SLC35F1: variants seen among roughly 807,000 people sequenced by gnomAD.
SLC35F1 encodes the protein chromosome 6 open reading frame 169.
A neutral mutation model predicts 48.7 loss-of-function variants in SLC35F1; 14 were observed. That is an observed-to-expected ratio of 0.29 (90% CI 0.19 to 0.45). The LOEUF (loss-of-function observed/expected upper bound fraction) is 0.45. SLC35F1 is among the 20% of genes least tolerant of loss of function. SLC35F1 has a pLI of 1.00. For synonymous variants in SLC35F1, 190 were observed against 202.2 expected (o/e 0.94, Z 0.51); for missense variants, 404 against 500.0 (o/e 0.81, Z 1.83).
chr6:118,179,467 C>T (rs941906417), intron 2 of SLC35F1, among the ~76,000 whole-genome samples: 16 of 152,222 alleles, frequency 1.1e-4, no homozygotes, highest in Non-Finnish European at 1.8e-4. Context: ...TGTCTGGGCT[C>T]TCAGCAGATT....
chr6:118,273,064 T>C (rs887806126), intron 4 of SLC35F1, among the ~76,000 whole-genome samples: 2 of 149,806 alleles, frequency 1.3e-5, no homozygotes, highest in South Asian at 2.1e-4. Context: ...CAAATTATAA[T>C]AAATAATATT....
chr6:118,128,785 C>T (rs1773667296), intron 1 of SLC35F1, among the ~76,000 whole-genome samples: 1 of 151,158 alleles, frequency 6.6e-6, no homozygotes. Flanking sequence ...ACATTGTGCA[C>T]ATGTACCCAA....
At chr6:117,988,811 C>G (rs555482905) in intron 1 of SLC35F1, among the ~76,000 whole-genome samples, 1 of 152,210 alleles carries the variant, frequency 6.6e-6, no homozygotes, top group Admixed American at 6.5e-5. Context: ...TTATTGGGTA[C>G]AGAGTTTCTG....
chr6:118,296,837 C>T (rs994486740), intron 7 of SLC35F1, among the ~76,000 whole-genome samples: 2 of 152,210 alleles, frequency 1.3e-5, no homozygotes, highest in African/African-American at 2.4e-5. Flanking sequence ...AACAGCCTGG[C>T]CGTTCAGTCG....
At chr6:118,046,882 T>C (rs1001328612) in intron 1 of SLC35F1, among the ~76,000 whole-genome samples, 2 of 152,132 alleles carry the variant, frequency 1.3e-5, no homozygotes, top group African/African-American at 4.8e-5. Flanking sequence ...GCCTGTTTTC[T>C]GACTAAAATT....
chr6:118,261,580 T>C (rs1386695217), intron 3 of SLC35F1, among the ~76,000 whole-genome samples: 1 of 152,132 alleles, frequency 6.6e-6, no homozygotes, highest in African/African-American at 2.4e-5. Context: ...TGGGCTTTGG[T>C]AAACGCTCAA....
intron 2 of SLC35F1, among the ~76,000 whole-genome samples, chr6:118,168,876 G>A (rs1774358457): frequency 6.6e-6 from 1 of 152,196 alleles, no homozygotes; most frequent in Non-Finnish European, 1.5e-5. Flanking sequence ...AAACACGGTG[G>A]AAGATATCAG....
chr6:117,945,855 C>T (rs1386722333), intron 1 of SLC35F1, among the ~76,000 whole-genome samples: 1 of 152,048 alleles, frequency 6.6e-6, no homozygotes, highest in Non-Finnish European at 1.5e-5. Context: ...TTATGGTCCC[C>T]CAGAGTGAAC....
intron 1 of SLC35F1, among the ~76,000 whole-genome samples, chr6:118,135,833 T>A (rs540398852): frequency 6.6e-6 from 1 of 152,196 alleles, no homozygotes; most frequent in Non-Finnish European, 1.5e-5. Flanking sequence ...AGAGAGAGAA[T>A]AGCACCAGGT....
At chr6:118,027,607 C>T (rs1438914620) in intron 1 of SLC35F1, among the ~76,000 whole-genome samples, 1 of 152,014 alleles carries the variant, frequency 6.6e-6, no homozygotes, top group Non-Finnish European at 1.5e-5. Flanking sequence ...ACTGTCAAAT[C>T]TCCCCTCACC....
chr6:118,112,086 CTTTTCTTTTCTTTTCT>C lies in SLC35F1; in HGVS notation c.174-42355_174-42340del, dbSNP rs1425453936. Among the ~76,000 whole-genome samples the C allele has an allele frequency of 9.0e-3, 133 of 14,830 alleles. 1 individual carries two copies. The highest frequency in any genetic ancestry group is 0.019 in the Admixed American group (21 of 1,106). 9.7% of individuals were successfully genotyped at this position (14,830 alleles called of 152,430 possible). A position where few individuals can be genotyped will look rare whatever the true frequency, so the allele number is the denominator to read the frequency against. ...TTTCTTTCTTTTTCTTTATTTCTTT[CTTTTCTTTTCTTTTCT>C]TTTCTTTTCTTTTCTTTTCTTTTCT... On this transcript the variant is annotated intron_variant, in intron 1 of 7. Coordinates refer to ENST00000360388, the MANE Select transcript of SLC35F1 (RefSeq NM_001029858.4).
At chr6:118,003,724 T>A (rs912430172) in intron 1 of SLC35F1, among the ~76,000 whole-genome samples, 1 of 152,260 alleles carries the variant, frequency 6.6e-6, no homozygotes, top group African/African-American at 2.4e-5. Context: ...ATTTCATACC[T>A]AATTTTATAT....
intron 4 of SLC35F1, among the ~76,000 whole-genome samples, chr6:118,270,729 G>A (rs1775841083): frequency 6.6e-6 from 1 of 152,108 alleles, no homozygotes; most frequent in South Asian, 2.1e-4. Context: ...TGATGTGCAG[G>A]GCAATAGGCA....
chr6:118,277,545 A>G lies in SLC35F1; in HGVS notation c.846A>G (p.Ile282Met). 6.2e-7 allele frequency: 1 copy of G among 1,613,786 alleles called. No homozygotes were observed. Among genetic ancestry groups the G allele is most frequent in the African/African-American group, 1.3e-5 (1 of 75,060 alleles). Residue 282 changes from isoleucine (I) to methionine (M), a missense_variant and splice_region_variant, in exon 6 of 8, where the codon ATA (isoleucine) becomes ATG (methionine). Transcript: ENST00000360388. ...ELLKVPWDWQ[I>M]GLLYVGFSAC... ...TGAAGGTGCCCTGGGACTGGCAAAT[A>G]GGTAAGGAGTTGGCTCACATACGAT...
intron 1 of SLC35F1, among the ~76,000 whole-genome samples, chr6:118,031,281 A>G (rs756489676): frequency 1.3e-5 from 2 of 152,214 alleles, no homozygotes; most frequent in East Asian, 1.9e-4. Context: ...GTCTTAAACG[A>G]TAAGTTATTT....
intron 1 of SLC35F1, among the ~76,000 whole-genome samples, chr6:118,007,159 A>T (rs1777184498): frequency 6.6e-6 from 1 of 152,048 alleles, no homozygotes; most frequent in Non-Finnish European, 1.5e-5. Flanking sequence ...ATGCCAAGAC[A>T]CTGCATCTGA....
At chr6:118,024,361 T>G (rs893834408) in intron 1 of SLC35F1, among the ~76,000 whole-genome samples, 1 of 152,186 alleles carries the variant, frequency 6.6e-6, no homozygotes, top group Non-Finnish European at 1.5e-5. Context: ...AGAAGCTCAT[T>G]AAGATGAAAA....
intron 1 of SLC35F1, among the ~76,000 whole-genome samples, chr6:118,004,217 G>T (rs1439996303): frequency 6.6e-6 from 1 of 152,096 alleles, no homozygotes; most frequent in Non-Finnish European, 1.5e-5. Flanking sequence ...GATGATTTAG[G>T]TGTCTGAGAG....
chr6:118,211,863 T>C (rs749469772), intron 2 of SLC35F1, among the ~76,000 whole-genome samples: 17 of 152,190 alleles, frequency 1.1e-4, no homozygotes, highest in Non-Finnish European at 8.8e-5. Flanking sequence ...ATATTAACTG[T>C]TTATTTTCTC....
Sources: allele counts gnomAD v4.1 joint callset (sites outside exome capture counted in the v4.1 genomes callset), GRCh38; gene constraint gnomAD v4.1.1; transcripts MANE v1.5; gene names NCBI Gene and HGNC (gene_info 2026-07-23, HGNC 2026-07-21).